MCM5: variants seen among roughly 807,000 people sequenced by gnomAD.
MCM5 encodes the protein DNA replication licensing factor MCM5.
In MCM5, 46 loss-of-function variants were observed where a neutral mutation model predicts 79.9. The observed-to-expected ratio is 0.58, with a 90% confidence interval of 0.45 to 0.74. The LOEUF is 0.74. Ranked by LOEUF, MCM5 falls within the 30% of genes least tolerant of loss-of-function variation. The pLI is 0.00. For synonymous variants in MCM5, 404 were observed against 390.5 expected (o/e 1.03, Z -0.41); for missense variants, 883 against 1,017.0 (o/e 0.87, Z 1.79).
intron 1 of MCM5, 94 bp from the exon 2 acceptor site, chr22:35,400,337 C>G (rs1185483327): frequency 1.4e-6 from 2 of 1,454,134 alleles, no homozygotes; most frequent in African/African-American, 2.8e-5. Context: ...GGGGGTCCCC[C>G]TGCTCCGGAC....
chr22:35,424,014 A>AGGAAGTGTGGGCC, intron 16 of MCM5, 140 bp from the exon 17 acceptor site: 1 of 598,288 alleles, frequency 1.7e-6, no homozygotes, highest in Non-Finnish European at 3.0e-6. Flanking sequence ...TGTCTGGTAC[A>AGGAAGTGTGGGCC]CAGTGGGCAC....
At chr22:35,404,313 A>G (rs1932150858) in intron 4 of MCM5, among the ~76,000 whole-genome samples, 1 of 152,166 alleles carries the variant, frequency 6.6e-6, no homozygotes, top group African/African-American at 2.4e-5. Context: ...ATTGTACTGG[A>G]TTGTTGTTTA....
rs777163300 is a variant in MCM5 at position 35,410,811 on chromosome 22, T to C, written c.820T>C (p.Phe274Leu). The C allele has an allele frequency of 3.1e-6, 5 of 1,614,100 alleles. No individual in the cohort carries two copies. Among genetic ancestry groups the C allele is most frequent in the Non-Finnish European group, 4.2e-6 (5 of 1,179,990 alleles). The change falls in exon 7 of 17, where the codon TTT becomes CTT. Residue 274 changes from phenylalanine (F) to leucine (L), a missense_variant. Physicochemically the swap from Phe to Leu is conservative, Grantham distance 22. This residue lies in a region of MCM5 where 455 missense variants were observed against 517.5 expected (regional missense o/e 0.88). Transcript: ENST00000216122. ...TIMGIYSIKK[F>L]GLTTSRGRDR... ...CATGGGCATCTACTCCATCAAGAAG[T>C]TTGGCCTGACTACCAGCAGGGGCCG...
chr22:35,412,411 G>T, intron 7 of MCM5, 99 bp from the exon 8 acceptor site: 1 of 1,036,960 alleles, frequency 9.6e-7, no homozygotes, highest in South Asian at 2.2e-5. Context: ...GGGCCCTAAG[G>T]GCTCTGCCTT....
At chr22:35,424,110 C>A in intron 16 of MCM5, 44 bp from the exon 17 acceptor site, 2 of 1,353,776 alleles carry the variant, frequency 1.5e-6, no homozygotes. Flanking sequence ...TGTCGGAGTC[C>A]CCTCGGGCAG....
chr22:35,416,297 C>G lies in MCM5; in HGVS notation c.1348-42C>G, dbSNP rs778909031. 116 of 1,578,992 alleles carry G rather than the reference C, an allele frequency of 7.3e-5. 1 individual carries two copies. The highest frequency in any genetic ancestry group is 9.2e-5 in the Non-Finnish European group (106 of 1,149,132). The stretch of plus-strand genomic sequence containing the variant: ...CTGTTTCTACTGCTCCCTGCTCCCT[C>G]ACTTCAGTAGGTCTGATGATATTTC... On this transcript the variant is annotated intron_variant, in intron 10 of 16. Coordinates refer to ENST00000216122, the MANE Select transcript of MCM5 (RefSeq NM_006739.4).
chr22:35,442,695 CTG>C, the MCM5 span, among the ~76,000 whole-genome samples: 3 of 152,232 alleles, frequency 2.0e-5, no homozygotes, highest in Non-Finnish European at 4.4e-5. Flanking sequence ...TCTTTAATGA[CTG>C]TGATTACATT....
intron 2 of MCM5, chr22:35,401,421 G>C (rs1932047142): frequency 2.1e-6 from 1 of 471,100 alleles, no homozygotes; most frequent in Non-Finnish European, 4.4e-6. Context: ...TACTGTTCTG[G>C]GTGCTGGGCT....
intron 7 of MCM5, 32 bp downstream of exon 7, chr22:35,410,942 T>C: frequency 1.3e-6 from 2 of 1,551,618 alleles, no homozygotes; most frequent in Non-Finnish European, 1.7e-6. Context: ...GGCTTAGCCC[T>C]GCTAAAAGGC....
At chr22:35,427,475 C>T (rs1039441976), downstream of MCM5, among the ~76,000 whole-genome samples, 1 of 151,038 alleles carries the variant, frequency 6.6e-6, no homozygotes, top group Admixed American at 6.6e-5. Context: ...AACATGAATA[C>T]GTCTGTTTGG....
At chr22:35,446,668 A>T in the MCM5 span, among the ~76,000 whole-genome samples, 2 of 152,066 alleles carry the variant, frequency 1.3e-5, no homozygotes, top group Non-Finnish European at 2.9e-5. Context: ...CCGCAGTGGG[A>T]GGAAGGAGTG....
chr22:35,426,107 G>A (rs1049975450), downstream of MCM5, among the ~76,000 whole-genome samples: 3 of 152,136 alleles, frequency 2.0e-5, no homozygotes, highest in African/African-American at 7.2e-5. Context: ...CCCAGGGGTA[G>A]GTGGCCTGAC....
downstream of MCM5, among the ~76,000 whole-genome samples, chr22:35,426,814 G>A (rs1010209094): frequency 2.0e-5 from 3 of 152,104 alleles, no homozygotes; most frequent in South Asian, 2.1e-4. Context: ...AGCAGAGGCC[G>A]AGCCTCTGCT....
At chr22:35,412,373 CAGAT>C (rs1932407300) in intron 7 of MCM5, 133 bp from the exon 8 acceptor site, 1 of 595,198 alleles carries the variant, frequency 1.7e-6, no homozygotes, top group Non-Finnish European at 2.7e-6. Context: ...TCTGTTTACT[CAGAT>C]AGGTTGTGCT....
intron 6 of MCM5, among the ~76,000 whole-genome samples, chr22:35,408,845 A>C (rs1490077030): frequency 1.3e-5 from 2 of 152,254 alleles, no homozygotes; most frequent in Non-Finnish European, 2.9e-5. Flanking sequence ...CTTTCAGCCT[A>C]TGTGCATTGC....
the MCM5 span, among the ~76,000 whole-genome samples, chr22:35,451,131 C>G: frequency 6.6e-6 from 1 of 152,242 alleles, no homozygotes; most frequent in African/African-American, 2.4e-5. Flanking sequence ...CCTCCCCTCT[C>G]TGCAGCCACC....
intron 9 of MCM5, among the ~76,000 whole-genome samples, chr22:35,415,002 C>T (rs1449199853): frequency 6.6e-6 from 1 of 152,120 alleles, no homozygotes; most frequent in Non-Finnish European, 1.5e-5. Flanking sequence ...TGGCACTGTC[C>T]AGTAGAAATA....
chr22:35,431,352 G>A, the MCM5 span, among the ~76,000 whole-genome samples: 3 of 152,172 alleles, frequency 2.0e-5, no homozygotes, highest in Non-Finnish European at 2.9e-5. Flanking sequence ...CCCAACCCCC[G>A]AATCTTTGCC....
the MCM5 span, among the ~76,000 whole-genome samples, chr22:35,434,910 G>A: frequency 6.6e-6 from 1 of 152,022 alleles, no homozygotes; most frequent in African/African-American, 2.4e-5. Flanking sequence ...CCAGCACTTT[G>A]GAAGGTCGAG....
Sources: allele counts gnomAD v4.1 joint callset (sites outside exome capture counted in the v4.1 genomes callset), GRCh38; gene constraint gnomAD v4.1.1; regional missense constraint gnomAD v4.1.1; transcripts MANE v1.5; gene names NCBI Gene and HGNC (gene_info 2026-07-23, HGNC 2026-07-21).